The following PSMG2 variants were observed in gnomAD, a reference collection of about 807,000 sequenced individuals.
PSMG2 encodes the protein proteasome assembly chaperone 2.
In PSMG2, 21 loss-of-function variants were observed where a neutral mutation model predicts 31.5. That is an observed-to-expected ratio of 0.67 (90% CI 0.47 to 0.96). PSMG2 has a LOEUF of 0.96. PSMG2 is among the 40% of genes least tolerant of loss of function. The pLI, the probability that PSMG2 is intolerant of heterozygous loss-of-function variation, is 0.00. For synonymous variants in PSMG2, 120 were observed against 110.4 expected (o/e 1.09, Z -0.54); for missense variants, 318 against 321.2 (o/e 0.99, Z 0.08).
intron 1 of PSMG2, among the ~76,000 whole-genome samples, chr18:12,694,255 T>C (rs137871105): frequency 2.6e-5 from 4 of 152,258 alleles, no homozygotes; most frequent in African/African-American, 9.6e-5. Flanking sequence ...GGGCAGGACA[T>C]TGTTTGCCTG....
upstream of PSMG2, chr18:12,702,980 C>G (rs1021352291): frequency 8.3e-6 from 9 of 1,081,918 alleles, no homozygotes; most frequent in Non-Finnish European, 1.0e-5. Flanking sequence ...CTCAAGGGCC[C>G]GGCGCCCAGG....
chr18:12,673,080 ATATT>A, intron 1 of PSMG2: 1 of 1,004,144 alleles, frequency 1.0e-6, no homozygotes, highest in Non-Finnish European at 1.2e-6. Flanking sequence ...TTTTATATTA[ATATT>A]TAAACTACTG....
chr18:12,673,013 A>G, intron 1 of PSMG2: 3 of 1,007,142 alleles, frequency 3.0e-6, no homozygotes, highest in Non-Finnish European at 3.6e-6. Flanking sequence ...TCTAGGGCTC[A>G]AACCCTTAGA....
At chr18:12,714,377 T>C (rs549195647) in intron 3 of PSMG2, among the ~76,000 whole-genome samples, 2 of 152,164 alleles carry the variant, frequency 1.3e-5, no homozygotes, top group Non-Finnish European at 2.9e-5. Context: ...GTCTTTCCAC[T>C]AGCTTCTCTG....
intron 1 of PSMG2, among the ~76,000 whole-genome samples, chr18:12,683,903 G>A (rs1166033699): frequency 6.6e-6 from 1 of 151,290 alleles, no homozygotes; most frequent in Non-Finnish European, 1.5e-5. Flanking sequence ...AATATAAAAA[G>A]AAATAATAAA....
At position 12,712,174 on chromosome 18, in the gene PSMG2, T is replaced by G. The variant is rs573767535; in HGVS notation, c.230-528T>G. On this transcript the variant is annotated intron_variant, in intron 2 of 6. Coordinates refer to ENST00000317615, the MANE Select transcript of PSMG2 (RefSeq NM_020232.5). ...TTTCCCAGTAAAAAATACAAACACA[T>G]TGACTCACATGACATTTTATGTTAT... is the stretch of plus-strand genomic sequence containing the variant. Among the ~76,000 whole-genome samples, 27 of 152,298 alleles carry G rather than the reference T, an allele frequency of 1.8e-4. 1 individual carries two copies. The South Asian group carries it at 5.6e-3, about 32-fold the overall frequency.
intron 1 of PSMG2, chr18:12,673,590 T>A: frequency 8.5e-7 from 1 of 1,178,790 alleles, no homozygotes; most frequent in Non-Finnish European, 1.2e-6. Flanking sequence ...TTTAAAATAA[T>A]TTTTTCAGGC....
chr18:12,708,039 T>C (rs1227709744), intron 2 of PSMG2, among the ~76,000 whole-genome samples: 1 of 152,042 alleles, frequency 6.6e-6, no homozygotes, highest in Non-Finnish European at 1.5e-5. Context: ...CCCAACACTT[T>C]GAGAGGCTGA....
intron 1 of PSMG2, among the ~76,000 whole-genome samples, chr18:12,681,256 ATTTTTTTTT>A (rs34816720): frequency 8.7e-6 from 1 of 115,390 alleles, no homozygotes; most frequent in African/African-American, 3.4e-5. Flanking sequence ...AAAGTAGAAC[ATTTTTTTTT>A]TTTTTTTTTT....
chr18:12,697,333 G>A lies in PSMG2; in HGVS notation c.-36-9217G>A, dbSNP rs778822765. The stretch of plus-strand genomic sequence containing the variant: ...TAAAGTCGTCTCACCAAATATGTCT[G>A]TTTTGATTAGCACCATATGAATTGG... On this transcript the variant is annotated intron_variant, in intron 1 of 6. Transcript: ENST00000585331. The A allele has an allele frequency of 8.7e-6, 14 of 1,613,576 alleles. No homozygotes were observed. Among genetic ancestry groups the A allele is most frequent in the Non-Finnish European group, 1.2e-5 (14 of 1,179,730 alleles).
intron 1 of PSMG2, among the ~76,000 whole-genome samples, chr18:12,669,041 T>TTC (rs1276438370): frequency 1.0e-5 from 1 of 96,362 alleles, no homozygotes; most frequent in East Asian, 3.6e-4. Context: ...ACTTTTTTTT[T>TTC]TTTTTTTTTT....
intron 1 of PSMG2, chr18:12,695,168 A>C: frequency 2.0e-6 from 1 of 508,892 alleles, no homozygotes; most frequent in Non-Finnish European, 3.4e-6. Flanking sequence ...TAATTTTCTA[A>C]AAATAGAGTG....
At chr18:12,722,957 A>G (rs2040444223) in intron 5 of PSMG2, among the ~76,000 whole-genome samples, 1 of 152,184 alleles carries the variant, frequency 6.6e-6, no homozygotes, top group Non-Finnish European at 1.5e-5. Context: ...AGGAACTGGA[A>G]TTTTCTGAGC....
At chr18:12,703,017 C>A, upstream of PSMG2, 1 of 1,442,700 alleles carries the variant, frequency 6.9e-7, no homozygotes. Context: ...CCGCGCCCCG[C>A]GAGGCTCCGG....
intron 1 of PSMG2, among the ~76,000 whole-genome samples, chr18:12,696,435 G>A (rs1248490174): frequency 6.6e-6 from 1 of 152,014 alleles, no homozygotes; most frequent in African/African-American, 2.4e-5. Context: ...CCCAGGAGGC[G>A]GGGGTTGCAG....
At chr18:12,661,967 G>C in intron 1 of PSMG2, 1 of 254,568 alleles carries the variant, frequency 3.9e-6, no homozygotes, top group Non-Finnish European at 8.0e-6. Context: ...ATTTTGTTTT[G>C]TTGATTTTGT....
rs2040402217 is a variant in PSMG2 at position 12,718,766 on chromosome 18, A to T, written c.407+131A>T. 6.9e-6 allele frequency: 4 copies of T among 578,754 alleles called. No individual in the cohort carries two copies. In the East Asian group the frequency reaches 1.1e-4, roughly 17 times the overall value. 35.9% of individuals were successfully genotyped at this position (578,754 alleles called of 1,614,324 possible). On this transcript the variant is annotated intron_variant, in intron 4 of 6. Transcript: ENST00000317615. ...TACTGGAGTTTAGAAAGAGGGGGGT[A>T]AGAGAAGGTCAGGAGATGGGAGGGA...
chr18:12,679,388 G>GAGGCAGGAAGCACACTAGC (rs985148276), intron 1 of PSMG2: 28 of 152,174 alleles, frequency 1.8e-4, no homozygotes, highest in Admixed American at 7.2e-4. Context: ...TTCAATCTGC[G>GAGGCAGGAAGCACACTAGC]AGGCAGGAAG....
chr18:12,696,392 A>T (rs538856440), intron 1 of PSMG2, among the ~76,000 whole-genome samples: 14 of 152,208 alleles, frequency 9.2e-5, no homozygotes, highest in Non-Finnish European at 1.6e-4. Flanking sequence ...AGTCCCAGCT[A>T]CTTAGCAGGC....
Sources: allele counts gnomAD v4.1 joint callset (sites outside exome capture counted in the v4.1 genomes callset), GRCh38; gene constraint gnomAD v4.1.1; transcripts MANE v1.5; gene names NCBI Gene and HGNC (gene_info 2026-07-23, HGNC 2026-07-21).